TOLLIP: variants seen among roughly 807,000 people sequenced by gnomAD.
TOLLIP encodes the protein toll-interacting protein.
A neutral mutation model predicts 33.5 loss-of-function variants in TOLLIP; 16 were observed. The observed-to-expected ratio is 0.48, with a 90% CI of 0.32 to 0.72. The LOEUF (loss-of-function observed/expected upper bound fraction) is 0.72, where lower values mean the gene tolerates loss of function less well. Among genes scored for constraint, TOLLIP ranks in the 30% least tolerant of loss-of-function variants. TOLLIP has a pLI of 0.03. For missense variants in TOLLIP, 325 were observed against 396.6 expected (o/e 0.82, Z 1.53); for synonymous variants, 176 against 163.7 (o/e 1.07, Z -0.57).
chr11:1,288,671 G>GC lies in TOLLIP; in HGVS notation c.471dup (p.Gln158AlafsTer53). The GC allele has an allele frequency of 6.2e-7, 1 of 1,612,802 alleles. No individual in the cohort carries two copies. Among genetic ancestry groups the GC allele is most frequent in the Non-Finnish European group, 8.5e-7 (1 of 1,179,792 alleles). On this transcript the variant is annotated frameshift_variant, in exon 4 of 6. Transcript: ENST00000317204. LOFTEE classifies it high-confidence loss of function. ...ATCATGCCCTCCTTGTCGTCCCCCT[G>GC]CCTCCCGCTCAGGCTGTACCACTTG...
At chr11:1,291,010 A>G (rs150240433) in intron 2 of TOLLIP, 1 of 153,438 alleles carries the variant, frequency 6.5e-6, no homozygotes, top group Non-Finnish European at 1.5e-5. Context: ...GCCACATCAC[A>G]TGTAGACCAT....
At position 1,297,209 on chromosome 11, in the gene TOLLIP, A is replaced by C. The variant is rs369086687; in HGVS notation, c.34-1415T>G. ...AGAACGCCTCTGCCATGCACACCAG[A>C]AACCCGTACCTGCCTGTGCCATGGA... On this transcript the variant is annotated intron_variant, in intron 1 of 5. Transcript: ENST00000317204. 2.6e-5 allele frequency among the ~76,000 whole-genome samples: 4 copies of C among 152,288 alleles called. No individual in the cohort carries two copies. In the East Asian group the frequency reaches 5.8e-4, roughly 22 times the overall value.
rs374243365 is a variant in TOLLIP, at chr11:1,275,980, G to A, written c.*1059C>T. 21 of 152,190 alleles carry A rather than the reference G, an allele frequency of 1.4e-4. No homozygotes were observed. The highest frequency in any genetic ancestry group is 5.1e-4 in the African/African-American group (21 of 41,434). 9.4% of individuals were successfully genotyped at this position (152,190 alleles called of 1,614,324 possible). A position where few individuals can be genotyped will look rare whatever the true frequency, so the allele number is the denominator to read the frequency against. ...CTCAAATTTCTGACTGTCATAACCA[G>A]GTGTCACCTAAAATCTGTCCTGTAG... On this transcript the variant is annotated 3_prime_UTR_variant, in exon 6 of 6. Coordinates refer to ENST00000317204, the MANE Select transcript of TOLLIP (RefSeq NM_019009.4).
At chr11:1,291,657 G>A (rs1442904044) in intron 2 of TOLLIP, among the ~76,000 whole-genome samples, 70 of 136,756 alleles carry the variant, frequency 5.1e-4, no homozygotes, top group Non-Finnish European at 9.4e-4. Context: ...GGGCACGGCC[G>A]CCCCGTCCTC....
intron 5 of TOLLIP, among the ~76,000 whole-genome samples, chr11:1,280,273 G>C (rs1863449475): frequency 6.6e-6 from 1 of 152,226 alleles, no homozygotes; most frequent in African/African-American, 2.4e-5. Context: ...GCCCTCTCTG[G>C]AACTCACAGG....
In TOLLIP at chr11:1,288,692, A is replaced by G; in HGVS notation, c.451T>C (p.Trp151Arg). Residue 151 changes from tryptophan (W) to arginine (R), a missense_variant, in exon 4 of 6, where the codon TGG becomes CGG. Trp to Arg is a moderately radical substitution (Grantham distance 101). Coordinates refer to ENST00000317204, the MANE Select transcript of TOLLIP (RefSeq NM_019009.4). Reference sequence around the variant, plus strand: ...CCCTGCCTCCCGCTCAGGCTGTACCACTTGTCCTCCACCTTGCCCTGCCTC... The same window carrying G: ...CCCTGCCTCCCGCTCAGGCTGTACCGCTTGTCCTCCACCTTGCCCTGCCTC... Reference protein sequence around the residue: ...SLRQGKVEDKWYSLSGRQGDD... With the variant: ...SLRQGKVEDKRYSLSGRQGDD... 6.2e-7 allele frequency: 1 copy of G among 1,612,766 alleles called. No individual in the cohort carries two copies. Among genetic ancestry groups the G allele is most frequent in the Non-Finnish European group, 8.5e-7 (1 of 1,179,846 alleles).
chr11:1,292,701 A>T (rs1278227182), intron 2 of TOLLIP, among the ~76,000 whole-genome samples: 1 of 152,182 alleles, frequency 6.6e-6, no homozygotes, highest in African/African-American at 2.4e-5. Context: ...CCTCCCCCAC[A>T]ACGGGCAAGA....
intron 5 of TOLLIP, among the ~76,000 whole-genome samples, chr11:1,280,808 C>CAA (rs1863473948): frequency 6.6e-6 from 1 of 152,178 alleles, no homozygotes; most frequent in Non-Finnish European, 1.5e-5. Context: ...CAGCGCCTGT[C>CAA]AGTCTCGTGG....
rs1864328244 is a variant in TOLLIP at position 1,303,070 on chromosome 11, C to T, written c.33+6396G>A. Among the ~76,000 whole-genome samples the T allele has an allele frequency of 6.6e-6, 1 of 152,202 alleles. No individual in the cohort carries two copies. Among genetic ancestry groups the T allele is most frequent in the Non-Finnish European group, 1.5e-5 (1 of 68,040 alleles). Reference sequence around the variant, plus strand: ...AACACTAGAATTTGTGTAAGGGAAGCTGGGAGATGACAGTATTGAAACGAA... The same window carrying T: ...AACACTAGAATTTGTGTAAGGGAAGTTGGGAGATGACAGTATTGAAACGAA... On this transcript the variant is annotated intron_variant, in intron 1 of 5. Coordinates refer to ENST00000317204, the MANE Select transcript of TOLLIP (RefSeq NM_019009.4). This position sits in a 1 kb window ranked among gnomAD's most constrained non-coding sequence, Gnocchi z 4.2.
intron 1 of TOLLIP, among the ~76,000 whole-genome samples, chr11:1,308,780 T>C (rs958650813): frequency 1.7e-5 from 2 of 114,536 alleles, no homozygotes; most frequent in Non-Finnish European, 3.8e-5. Flanking sequence ...CCTCACTCTG[T>C]GTAAATGAGA....
At position 1,303,489 on chromosome 11, in the gene TOLLIP, GAC is replaced by G; in HGVS notation, c.33+5975_33+5976del. 6.6e-6 allele frequency among the ~76,000 whole-genome samples: 1 copy of G among 152,376 alleles called. No homozygotes were observed. The highest frequency in any genetic ancestry group is 6.5e-5 in the Admixed American group (1 of 15,312). The stretch of plus-strand genomic sequence containing the variant: ...GGATGCTTACACGTGAGTGGAAGAA[GAC>G]AAACGGGAAGCATCATGAGTTATGC... On this transcript the variant is annotated intron_variant, in intron 1 of 5. Coordinates refer to ENST00000317204, the MANE Select transcript of TOLLIP (RefSeq NM_019009.4). The surrounding 1 kb of genome is among the most constrained non-coding windows in gnomAD (Gnocchi z 4.2).
Position 1,278,660 on chromosome 11 carries a change from C to T in TOLLIP, c.611-1407G>A, listed in dbSNP as rs1454246767. ...CTCAGGGCCAGGCCCACCTTTCCTC[C>T]ACACCCACACCTGCCTCTTGTCCTG... is the stretch of plus-strand genomic sequence containing the variant. On this transcript the variant is annotated intron_variant, in intron 5 of 5. Transcript: ENST00000317204. The surrounding 1 kb of genome is among the most constrained non-coding windows in gnomAD (Gnocchi z 4.7). Among the ~76,000 whole-genome samples, 4 of 152,332 alleles carry T rather than the reference C, an allele frequency of 2.6e-5. No homozygotes were observed. Among genetic ancestry groups the T allele is most frequent in the East Asian group, 3.9e-4 (2 of 5,178 alleles).
At chr11:1,295,858 A>G in intron 1 of TOLLIP, 64 bp from the exon 2 acceptor site, 1 of 1,489,974 alleles carries the variant, frequency 6.7e-7, no homozygotes. Flanking sequence ...GCCCGACAGC[A>G]GCTGCCCCCG....
At chr11:1,285,289 C>T (rs1429308675) in intron 5 of TOLLIP, among the ~76,000 whole-genome samples, 2 of 152,216 alleles carry the variant, frequency 1.3e-5, no homozygotes, top group African/African-American at 4.8e-5. Flanking sequence ...ACGAGAGAGG[C>T]CACCTCAGCA....
chr11:1,289,352 C>T lies in TOLLIP; in HGVS notation c.367-576G>A, dbSNP rs535713830. Among the ~76,000 whole-genome samples the T allele has an allele frequency of 5.3e-5, 8 of 152,354 alleles. No individual in the cohort carries two copies. In the South Asian group the frequency reaches 1.0e-3, roughly 20 times the overall value. ...GGCCTGGCTGCCCCACACTGCTCCC[C>T]GGCCCCCACCCAGTCTCTAGCCTCA... On this transcript the variant is annotated intron_variant, in intron 3 of 5. Transcript: ENST00000317204.
intron 2 of TOLLIP, among the ~76,000 whole-genome samples, chr11:1,293,548 G>A (rs1399772851): frequency 6.6e-6 from 1 of 152,250 alleles, no homozygotes. Context: ...CAGGAAACAG[G>A]GGCTGAGCTA....
At chr11:1,305,276 T>C (rs762684163) in intron 1 of TOLLIP, among the ~76,000 whole-genome samples, 4 of 151,988 alleles carry the variant, frequency 2.6e-5, no homozygotes, top group Non-Finnish European at 5.9e-5. Flanking sequence ...AGGCGGTGAG[T>C]GCGTTCCCCG....
At chr11:1,299,845 AC>A (rs1864214192) in intron 1 of TOLLIP, among the ~76,000 whole-genome samples, 1 of 152,218 alleles carries the variant, frequency 6.6e-6, no homozygotes, top group Admixed American at 6.5e-5. Flanking sequence ...CCAGCCAGGC[AC>A]ATCCACCCAG....
chr11:1,280,002 C>A (rs375157686), intron 5 of TOLLIP, among the ~76,000 whole-genome samples: 1 of 152,246 alleles, frequency 6.6e-6, no homozygotes, highest in African/African-American at 2.4e-5. Context: ...CTGCTTCTCA[C>A]TCCACAGAGC....
Sources: allele counts gnomAD v4.1 joint callset (sites outside exome capture counted in the v4.1 genomes callset), GRCh38; gene constraint gnomAD v4.1.1; non-coding constraint Gnocchi (gnomAD v3.1); transcripts MANE v1.5; gene names NCBI Gene and HGNC (gene_info 2026-07-23, HGNC 2026-07-21).